The following ARHGEF11 variants were observed in gnomAD, a reference collection of about 807,000 sequenced individuals.
The protein encoded by ARHGEF11 is Rho guanine nucleotide exchange factor 11.
Under a neutral mutation model 193.7 loss-of-function variants are expected in ARHGEF11, and 55 were observed. That is an observed-to-expected ratio of 0.28 (90% CI 0.23 to 0.36). The LOEUF is 0.36. ARHGEF11 is among the 10% of genes least tolerant of loss of function. The pLI is 1.00. For synonymous variants in ARHGEF11, 693 were observed against 768.0 expected (o/e 0.90, Z 1.62); for missense variants, 1,723 against 2,005.6 (o/e 0.86, Z 2.69).
At chr1:156,994,648 T>C (rs1013243192) in intron 1 of ARHGEF11, among the ~76,000 whole-genome samples, 3 of 152,180 alleles carry the variant, frequency 2.0e-5, no homozygotes, top group Non-Finnish European at 4.4e-5. Context: ...AGAACTCGTG[T>C]GTTGAGAAGG....
At chr1:156,984,156 C>T (rs1465799925) in intron 3 of ARHGEF11, among the ~76,000 whole-genome samples, 183 bp downstream of exon 3, 1 of 152,222 alleles carries the variant, frequency 6.6e-6, no homozygotes, top group Non-Finnish European at 1.5e-5. Flanking sequence ...GCATGAGGTG[C>T]AATCTCTAGA....
intron 15 of ARHGEF11, among the ~76,000 whole-genome samples, chr1:156,960,096 T>G (rs1660606049): frequency 6.6e-6 from 1 of 151,986 alleles, no homozygotes; most frequent in Admixed American, 6.5e-5. Flanking sequence ...TCCTCTTTGT[T>G]CAGATAAGCC....
chr1:156,961,548 A>T (rs1660851786), intron 14 of ARHGEF11, 129 bp downstream of exon 14: 5 of 755,040 alleles, frequency 6.6e-6, no homozygotes, highest in Non-Finnish European at 1.1e-5. Context: ...CAGGAATATT[A>T]ATCTCTCAGC....
chr1:157,033,663 CT>C (rs1396483604), intron 1 of ARHGEF11, among the ~76,000 whole-genome samples: 1 of 152,178 alleles, frequency 6.6e-6, no homozygotes, highest in Non-Finnish European at 1.5e-5. Flanking sequence ...ACTCATTTTC[CT>C]TTTCTCCAGT....
At position 156,948,232 on chromosome 1, in the gene ARHGEF11, T is replaced by C; in HGVS notation, c.2106-4A>G. The C allele has an allele frequency of 1.3e-6, 2 of 1,592,324 alleles. No homozygotes were observed. Among genetic ancestry groups the C allele is most frequent in the South Asian group, 2.3e-5 (2 of 88,308 alleles). ...AGGGGTTGGGTTCTCAAGAGACCTGTGGAGGGAATGTCAACTCTCAGCAAC... is the reference window on the plus strand; with the variant it reads ...AGGGGTTGGGTTCTCAAGAGACCTGCGGAGGGAATGTCAACTCTCAGCAAC... On this transcript the variant is annotated splice_polypyrimidine_tract_variant and splice_region_variant and intron_variant, in intron 23 of 40. Transcript: ENST00000368194. The surrounding 1 kb of genome is among the most constrained non-coding windows in gnomAD (Gnocchi z 4.2).
chr1:156,941,556 G>C (rs1656934819), intron 34 of ARHGEF11, 123 bp from the exon 35 acceptor site: 5 of 1,131,112 alleles, frequency 4.4e-6, no homozygotes, highest in East Asian at 5.0e-5. Flanking sequence ...TGGCTGGTCT[G>C]CTTGGCAACC....
intron 3 of ARHGEF11, among the ~76,000 whole-genome samples, chr1:156,981,145 C>T (rs1414526950): frequency 6.6e-6 from 1 of 151,844 alleles, no homozygotes; most frequent in Non-Finnish European, 1.5e-5. Context: ...CCTCCCAACT[C>T]AACCCTCCCA....
chr1:156,944,139 G>A, intron 31 of ARHGEF11, 37 bp from the exon 32 acceptor site: 5 of 1,602,368 alleles, frequency 3.1e-6, no homozygotes, highest in Non-Finnish European at 4.3e-6. Context: ...GTTCCCTGGT[G>A]CCTACTCATC....
chr1:156,969,060 G>C (rs1028646903), intron 10 of ARHGEF11, among the ~76,000 whole-genome samples: 1 of 152,216 alleles, frequency 6.6e-6, no homozygotes, highest in Admixed American at 6.5e-5. Flanking sequence ...ATATAACAGA[G>C]TTGACAATGA....
chr1:157,009,071 C>T (rs1469526488), intron 1 of ARHGEF11, among the ~76,000 whole-genome samples: 2 of 152,188 alleles, frequency 1.3e-5, no homozygotes, highest in Non-Finnish European at 2.9e-5. Context: ...CCCAGTATAT[C>T]ACCTGTAGAT....
chr1:156,985,730 C>CTT lies in ARHGEF11; in HGVS notation c.124+350_124+351dup, dbSNP rs56055266. The CTT allele has an allele frequency of 1.2e-3, 170 of 138,194 alleles. 1 individual carries two copies. Among genetic ancestry groups the CTT allele is most frequent in the East Asian group, 7.3e-3 (34 of 4,678 alleles). The allele number at this position is 138,194 out of a possible 1,614,324, so 8.6% of individuals were successfully genotyped here. A position where few individuals can be genotyped will look rare whatever the true frequency, so the allele number is the denominator to read the frequency against. ...TAAGCCACCACGCCCAGCCATGTGC[C>CTT]TTTTTTTTTTTTTTTTTTAAAAAGA... On this transcript the variant is annotated intron_variant, in intron 2 of 40. Transcript: ENST00000368194.
At chr1:157,039,929 G>A (rs896155343) in intron 1 of ARHGEF11, among the ~76,000 whole-genome samples, 1 of 152,178 alleles carries the variant, frequency 6.6e-6, no homozygotes, top group Non-Finnish European at 1.5e-5. Flanking sequence ...TGAGCTTCCA[G>A]AACTCCTTTA....
At chr1:156,963,684 G>T in intron 11 of ARHGEF11, 90 bp from the exon 12 acceptor site, 1 of 1,546,706 alleles carries the variant, frequency 6.5e-7, no homozygotes, top group Non-Finnish European at 8.7e-7. Flanking sequence ...TTGCAGCACA[G>T]CACTCACAAA....
chr1:156,992,131 C>T (rs1332897963), intron 1 of ARHGEF11, among the ~76,000 whole-genome samples: 1 of 152,172 alleles, frequency 6.6e-6, no homozygotes, highest in Non-Finnish European at 1.5e-5. Context: ...CCCAAGTAAT[C>T]ATTTTCATTT....
intron 1 of ARHGEF11, among the ~76,000 whole-genome samples, chr1:157,011,284 G>A (rs1207495236): frequency 6.6e-6 from 1 of 152,126 alleles, no homozygotes; most frequent in Non-Finnish European, 1.5e-5. Flanking sequence ...ATATCCACAT[G>A]CAAAATAATG....
chr1:156,964,768 C>T (rs1354148157), intron 11 of ARHGEF11, among the ~76,000 whole-genome samples: 1 of 152,148 alleles, frequency 6.6e-6, no homozygotes, highest in African/African-American at 2.4e-5. Context: ...CCAGACACAT[C>T]CTGAGTATCC....
intron 1 of ARHGEF11, among the ~76,000 whole-genome samples, chr1:157,010,688 A>G (rs1177271601): frequency 6.6e-6 from 1 of 152,180 alleles, no homozygotes; most frequent in Non-Finnish European, 1.5e-5. Context: ...GATTATAGGC[A>G]TGAGCCACCA....
Position 156,954,380 on chromosome 1 carries a change from C to CAAAAAAA in ARHGEF11, c.1798+505_1798+511dup, listed in dbSNP as rs559848711. On this transcript the variant is annotated intron_variant, in intron 21 of 40. Coordinates refer to ENST00000368194, the MANE Select transcript of ARHGEF11 (RefSeq NM_198236.3). ...GGGCCACAGAGTGAAACTGTGTCTC[C>CAAAAAAA]AAAAAAAAAAAAAAAAAAAAAAAAA... 9.6e-4 allele frequency among the ~76,000 whole-genome samples: 72 copies of CAAAAAAA among 75,156 alleles called. 4 individuals carry two copies. The highest frequency in any genetic ancestry group is 1.3e-3 in the Non-Finnish European group (53 of 40,076). The allele number at this position is 75,156 out of a possible 152,430, so 49.3% of individuals were successfully genotyped here. A position where few individuals can be genotyped will look rare whatever the true frequency, so the allele number is the denominator to read the frequency against.
At chr1:157,039,275 G>T (rs945190812) in intron 1 of ARHGEF11, among the ~76,000 whole-genome samples, 1 of 152,204 alleles carries the variant, frequency 6.6e-6, no homozygotes, top group Non-Finnish European at 1.5e-5. Context: ...CTGAAAGAAC[G>T]TAATAGCTAA....
Sources: allele counts gnomAD v4.1 joint callset (sites outside exome capture counted in the v4.1 genomes callset), GRCh38; gene constraint gnomAD v4.1.1; non-coding constraint Gnocchi (gnomAD v3.1); transcripts MANE v1.5; gene names NCBI Gene and HGNC (gene_info 2026-07-23, HGNC 2026-07-21).